Variants in PRKCE observed in about 807,000 individuals in gnomAD.
PRKCE encodes the protein protein kinase C epsilon, also known as protein kinase C epsilon type.
PRKCE carries 16 observed loss-of-function variants against 85.4 expected under a neutral mutation model. That is an observed-to-expected ratio of 0.19 (90% confidence interval 0.13 to 0.28). The LOEUF (loss-of-function observed/expected upper bound fraction) is 0.28. PRKCE is among the 10% of genes least tolerant of loss of function. The probability of loss-of-function intolerance (pLI) is 1.00; values close to 1 mark genes in which losing one functional copy is unlikely to be tolerated. For missense variants in PRKCE, 573 were observed against 975.2 expected, an observed-to-expected ratio of 0.59 and a Z score of 5.49; for synonymous variants, 388 against 371.5, an observed-to-expected ratio of 1.04 and a Z score of -0.51.
At chr2:45,804,014 A>G (rs1031499655) in intron 1 of PRKCE, among the ~76,000 whole-genome samples, 1 of 152,178 alleles carries the variant, frequency 6.6e-6, no homozygotes, top group Admixed American at 6.5e-5. Flanking sequence ...TCTCAGATTC[A>G]CCATCTTGCA....
rs1360359633 is a variant in PRKCE, at chr2:46,001,642, C to T, written c.966+96C>T. The T allele has an allele frequency of 2.2e-6, 3 of 1,383,980 alleles. No homozygotes were observed. The highest frequency in any genetic ancestry group is 1.5e-5 in the African/African-American group (1 of 68,372). The allele number at this position is 1,383,980 out of a possible 1,614,324, so 85.7% of individuals were successfully genotyped here. ...TGCTCTGGAGTGAGGTAATAAGATT[C>T]CTGGGTTTGAGGTATTTTACTCAGA... On this transcript the variant is annotated intron_variant, in intron 7 of 14. Transcript: ENST00000306156. This position sits in a 1 kb window ranked among gnomAD's most constrained non-coding sequence, Gnocchi z 4.4.
chr2:46,001,877 C>G lies in PRKCE; in HGVS notation c.966+331C>G, dbSNP rs940130129. 2.0e-5 allele frequency among the ~76,000 whole-genome samples: 3 copies of G among 152,206 alleles called. No individual in the cohort carries two copies. The highest frequency in any genetic ancestry group is 4.4e-5 in the Non-Finnish European group (3 of 68,038). On this transcript the variant is annotated intron_variant, in intron 7 of 14. Transcript: ENST00000306156. The surrounding 1 kb of genome is among the most constrained non-coding windows in gnomAD (Gnocchi z 4.4). ...GAAATGGACTTATCTGCTTCCAGAA[C>G]TGGCATGAAAGCAATGTCAGTGTCT...
chr2:46,074,411 C>T (rs1027252154), intron 10 of PRKCE, among the ~76,000 whole-genome samples: 1 of 24,680 alleles, frequency 4.1e-5, no homozygotes, highest in Non-Finnish European at 9.4e-5. Flanking sequence ...AGCAAACAAA[C>T]AAACAAACAA....
intron 7 of PRKCE, among the ~76,000 whole-genome samples, chr2:46,002,500 G>A (rs934280038): frequency 3.9e-5 from 6 of 152,196 alleles, no homozygotes; most frequent in African/African-American, 9.7e-5. Flanking sequence ...GAAGCTACCC[G>A]TGGCTCTTCC....
intron 2 of PRKCE, among the ~76,000 whole-genome samples, chr2:45,950,052 A>G (rs1442164363): frequency 2.6e-5 from 4 of 152,174 alleles, no homozygotes; most frequent in Non-Finnish European, 5.9e-5. Context: ...TGAATTACTG[A>G]TGAGAATGGT....
intron 2 of PRKCE, among the ~76,000 whole-genome samples, chr2:45,975,723 G>T (rs539733399): frequency 3.5e-4 from 53 of 152,298 alleles, no homozygotes; most frequent in Non-Finnish European, 6.8e-4. Context: ...TCTCAGAACT[G>T]GAGGGAAGGA....
intron 1 of PRKCE, among the ~76,000 whole-genome samples, chr2:45,787,640 A>T (rs1047335785): frequency 2.0e-5 from 3 of 152,100 alleles, no homozygotes; most frequent in Non-Finnish European, 4.4e-5. Flanking sequence ...TTTATAATAT[A>T]TTTGGGTTCC....
intron 11 of PRKCE, among the ~76,000 whole-genome samples, chr2:46,111,267 C>T (rs1182722318): frequency 6.6e-6 from 1 of 152,158 alleles, no homozygotes; most frequent in East Asian, 1.9e-4. Context: ...GCTTGATCCA[C>T]CACTGAAATA....
At chr2:46,021,240 C>T (rs1285462223) in intron 10 of PRKCE, among the ~76,000 whole-genome samples, 1 of 152,146 alleles carries the variant, frequency 6.6e-6, no homozygotes, top group Non-Finnish European at 1.5e-5. Context: ...TGAGGAGGTA[C>T]TGGCTAAGTT....
chr2:46,170,461 C>T (rs945702722), intron 14 of PRKCE, among the ~76,000 whole-genome samples: 1 of 152,182 alleles, frequency 6.6e-6, no homozygotes, highest in Non-Finnish European at 1.5e-5. Flanking sequence ...TAGCAATGCA[C>T]AGTAATTAGC....
intron 10 of PRKCE, among the ~76,000 whole-genome samples, chr2:46,011,239 G>T (rs1305889062): frequency 1.3e-5 from 2 of 152,148 alleles, no homozygotes; most frequent in African/African-American, 4.8e-5. Context: ...TTTGCTTCTT[G>T]AGAAGGCAAA....
At chr2:45,997,443 A>G (rs1335788070) in intron 6 of PRKCE, among the ~76,000 whole-genome samples, 3 of 152,092 alleles carry the variant, frequency 2.0e-5, no homozygotes, top group Non-Finnish European at 4.4e-5. Context: ...TGTTTTTCCT[A>G]ATATATGCAT....
intron 10 of PRKCE, among the ~76,000 whole-genome samples, chr2:46,017,046 T>C (rs1397871172): frequency 1.3e-5 from 2 of 151,316 alleles, no homozygotes; most frequent in East Asian, 3.9e-4. Context: ...GAATTTGTTA[T>C]TGTGGTAAAA....
intron 10 of PRKCE, among the ~76,000 whole-genome samples, chr2:46,049,079 C>A (rs1026240308): frequency 6.6e-6 from 1 of 152,160 alleles, no homozygotes; most frequent in Non-Finnish European, 1.5e-5. Flanking sequence ...CCCGTGATGT[C>A]TCTTACCTTC....
At chr2:45,856,341 G>C (rs919043942) in intron 2 of PRKCE, among the ~76,000 whole-genome samples, 5 of 151,870 alleles carry the variant, frequency 3.3e-5, no homozygotes, top group Admixed American at 6.6e-5. Flanking sequence ...AGTAATTCTC[G>C]TGCCTCAGCC....
intron 6 of PRKCE, among the ~76,000 whole-genome samples, chr2:45,991,127 C>T (rs971099096): frequency 8.5e-5 from 13 of 152,076 alleles, no homozygotes; most frequent in African/African-American, 3.1e-4. Context: ...CTGCCTCAGC[C>T]TCCCAAGTAG....
At chr2:45,717,719 A>G (rs959795572) in intron 1 of PRKCE, among the ~76,000 whole-genome samples, 1 of 152,068 alleles carries the variant, frequency 6.6e-6, no homozygotes, top group Non-Finnish European at 1.5e-5. Context: ...TGTTTTGGGG[A>G]CTCCTGAGGG....
At chr2:45,668,107 G>A (rs754177623) in intron 1 of PRKCE, among the ~76,000 whole-genome samples, 17 of 152,302 alleles carry the variant, frequency 1.1e-4, no homozygotes, top group Non-Finnish European at 1.5e-4. Context: ...TTGAGAGGCC[G>A]AGGCGGTTGT....
chr2:46,061,859 C>CTTTTTCTTTTTTTTTTTTTT (rs1667165973), intron 10 of PRKCE, among the ~76,000 whole-genome samples: 1 of 107,746 alleles, frequency 9.3e-6, no homozygotes, highest in African/African-American at 4.0e-5. Context: ...TTTTCTTTTT[C>CTTTTTCTTTTTTTTTTTTTT]TTTTTTTTTT....
Sources: gnomAD v4.1 joint callset for allele counts (sites outside exome capture counted in the v4.1 genomes callset) on GRCh38, gnomAD v4.1.1 for gene constraint, Gnocchi (gnomAD v3.1) non-coding constraint, MANE v1.5 for transcripts, NCBI Gene and HGNC (gene_info 2026-07-23, HGNC 2026-07-21) for gene names.